The following ADGRL3 variants were observed in gnomAD, a reference collection of about 807,000 sequenced individuals.
ADGRL3 encodes the protein calcium-independent alpha-latrotoxin receptor 3.
In ADGRL3, 62 loss-of-function variants were observed where a neutral mutation model predicts 153.5. The observed-to-expected ratio is 0.40, with a 90% confidence interval of 0.33 to 0.50. ADGRL3 has a LOEUF of 0.50. Among genes scored for constraint, ADGRL3 ranks in the 20% least tolerant of loss-of-function variants. The pLI, the probability that ADGRL3 is intolerant of heterozygous loss-of-function variation, is 0.47. For synonymous variants in ADGRL3, 710 were observed against 672.5 expected, an observed-to-expected ratio of 1.06 and a Z score of -0.86; for missense variants, 1,641 against 1,859.4, an observed-to-expected ratio of 0.88 and a Z score of 2.16.
chr4:61,292,067 A>G (rs1164782212), intron 1 of ADGRL3, among the ~76,000 whole-genome samples: 1 of 151,600 alleles, frequency 6.6e-6, no homozygotes, highest in African/African-American at 2.4e-5. Flanking sequence ...TGAGATGGAA[A>G]CTGTGTACTG....
At chr4:61,620,634 CTTTTTT>C (rs71664993) in intron 5 of ADGRL3, among the ~76,000 whole-genome samples, 5 of 69,732 alleles carry the variant, frequency 7.2e-5, no homozygotes, top group African/African-American at 1.2e-4. Flanking sequence ...TAAATTGTGA[CTTTTTT>C]TTTTTTTTTT....
At chr4:61,282,768 A>G (rs1429999627) in intron 1 of ADGRL3, among the ~76,000 whole-genome samples, 3 of 152,082 alleles carry the variant, frequency 2.0e-5, no homozygotes, top group Non-Finnish European at 4.4e-5. Context: ...GCACTGATAA[A>G]AAATAAAACC....
chr4:61,930,311 T>G (rs1581510325), intron 13 of ADGRL3, among the ~76,000 whole-genome samples: 2 of 152,314 alleles, frequency 1.3e-5, no homozygotes, highest in Non-Finnish European at 2.9e-5. Context: ...ATGATTCTGC[T>G]TACTTTCGTA....
chr4:61,647,295 C>G (rs1354967048), intron 5 of ADGRL3, among the ~76,000 whole-genome samples: 1 of 152,126 alleles, frequency 6.6e-6, no homozygotes, highest in Non-Finnish European at 1.5e-5. Context: ...GCCATCTTGG[C>G]TCCTCCCCGA....
At chr4:61,661,474 C>G (rs2094591358) in intron 5 of ADGRL3, among the ~76,000 whole-genome samples, 1 of 151,988 alleles carries the variant, frequency 6.6e-6, no homozygotes. Flanking sequence ...TCAGAGCATT[C>G]TCCTAAGTAA....
intron 4 of ADGRL3, among the ~76,000 whole-genome samples, chr4:61,549,220 C>G (rs1341649148): frequency 6.6e-6 from 1 of 151,660 alleles, no homozygotes; most frequent in African/African-American, 2.4e-5. Flanking sequence ...CTTATCAGAT[C>G]AAGGAGCTTT....
chr4:61,347,514 T>C (rs1249023582), intron 1 of ADGRL3, among the ~76,000 whole-genome samples: 2 of 152,096 alleles, frequency 1.3e-5, no homozygotes, highest in South Asian at 2.1e-4. Context: ...ATTCACCAAA[T>C]TGAAGAAAGC....
chr4:61,905,692 C>T (rs949064445), intron 11 of ADGRL3, among the ~76,000 whole-genome samples: 11 of 151,872 alleles, frequency 7.2e-5, no homozygotes, highest in African/African-American at 1.7e-4. Flanking sequence ...ATCAGGAGTT[C>T]GAGACCAGCC....
intron 4 of ADGRL3, among the ~76,000 whole-genome samples, chr4:61,547,083 ATTTC>A (rs1304690615): frequency 2.0e-5 from 3 of 152,150 alleles, no homozygotes; most frequent in Admixed American, 2.0e-4. Flanking sequence ...AGCATTGTGT[ATTTC>A]TTTATTGTTT....
chr4:61,583,607 A>C (rs527479772), intron 4 of ADGRL3: 31 of 514,146 alleles, frequency 6.0e-5, no homozygotes, highest in African/African-American at 5.8e-4. Context: ...TGTATGTTTG[A>C]TATGAATTTT....
intron 9 of ADGRL3, among the ~76,000 whole-genome samples, chr4:61,869,545 C>G (rs889184802): frequency 5.4e-4 from 82 of 151,928 alleles, no homozygotes; most frequent in African/African-American, 1.9e-3. Flanking sequence ...TTGCAGTGAG[C>G]CGAGATTGCG....
intron 4 of ADGRL3, among the ~76,000 whole-genome samples, chr4:61,539,644 G>A (rs1323641450): frequency 1.3e-5 from 2 of 152,152 alleles, no homozygotes; most frequent in African/African-American, 2.4e-5. Context: ...TCAGGCCTGA[G>A]GGGGAGAGCC....
chr4:61,578,164 C>T (rs1034934132), intron 4 of ADGRL3, among the ~76,000 whole-genome samples: 3 of 151,906 alleles, frequency 2.0e-5, no homozygotes, highest in Admixed American at 6.6e-5. Flanking sequence ...AAAGAAGTTC[C>T]CTTTCCTGTT....
At chr4:61,466,139 A>G (rs192071797) in intron 2 of ADGRL3, among the ~76,000 whole-genome samples, 66 of 150,826 alleles carry the variant, frequency 4.4e-4, no homozygotes, top group Admixed American at 9.9e-4. Context: ...TAAATAAATA[A>G]AATAAATAAA....
At chr4:61,758,525 T>C (rs981383604) in intron 8 of ADGRL3, among the ~76,000 whole-genome samples, 2 of 152,210 alleles carry the variant, frequency 1.3e-5, no homozygotes, top group Non-Finnish European at 2.9e-5. Flanking sequence ...TGTTTTCCAT[T>C]TGCTTGGTAG....
intron 5 of ADGRL3, among the ~76,000 whole-genome samples, chr4:61,670,406 T>C (rs2094950863): frequency 6.6e-6 from 1 of 152,160 alleles, no homozygotes; most frequent in South Asian, 2.1e-4. Flanking sequence ...AATATAGTTA[T>C]GTTTAAGGCT....
intron 9 of ADGRL3, among the ~76,000 whole-genome samples, chr4:61,871,511 G>A (rs924527734): frequency 1.1e-4 from 17 of 152,002 alleles, no homozygotes; most frequent in East Asian, 7.7e-4. Flanking sequence ...GACATAAGCC[G>A]GTCACTAAAG....
intron 1 of ADGRL3, among the ~76,000 whole-genome samples, chr4:61,262,951 G>C (rs975829771): frequency 6.6e-6 from 1 of 152,098 alleles, no homozygotes; most frequent in African/African-American, 2.4e-5. Context: ...TCAAGTGGTA[G>C]TACTGGGGAA....
rs375121328 is a variant in ADGRL3 at position 61,370,853 on chromosome 4, A to G, written c.-239-12271A>G. On this transcript the variant is annotated intron_variant, in intron 1 of 26. Transcript: ENST00000683033. ...GATGTTAAAGTCTCCCATTATTAAT[A>G]TGTGGGAGTCTAAGTCTCTTTGTAG... 1.2e-4 allele frequency among the ~76,000 whole-genome samples: 18 copies of G among 152,110 alleles called. 1 individual carries two copies. The highest frequency in any genetic ancestry group is 1.0e-3 in the South Asian group (5 of 4,804).
Sources: gnomAD v4.1 joint callset for allele counts (sites outside exome capture counted in the v4.1 genomes callset) on GRCh38, gnomAD v4.1.1 for gene constraint, MANE v1.5 for transcripts, NCBI Gene and HGNC (gene_info 2026-07-23, HGNC 2026-07-21) for gene names.